SNTG2: variants seen among roughly 807,000 people sequenced by gnomAD.
The protein encoded by SNTG2 is syntrophin gamma 2.
Under a neutral mutation model 70.9 loss-of-function variants are expected in SNTG2, and 74 were observed. The observed-to-expected ratio is 1.04, with a 90% CI of 0.86 to 1.27. The LOEUF is 1.27. Among genes scored for constraint, SNTG2 ranks in the 50% most tolerant of loss-of-function variants. SNTG2 has a pLI of 0.00. For missense variants in SNTG2, 717 were observed against 690.7 expected, an observed-to-expected ratio of 1.04 and a Z score of -0.43; for synonymous variants, 278 against 273.8, an observed-to-expected ratio of 1.02 and a Z score of -0.15.
intron 9 of SNTG2, among the ~76,000 whole-genome samples, chr2:1,234,303 G>A (rs565627317): frequency 1.3e-5 from 2 of 152,196 alleles, no homozygotes; most frequent in African/African-American, 2.4e-5. Flanking sequence ...AGTGAGCCAC[G>A]CTGTGAACTT....
intron 1 of SNTG2, among the ~76,000 whole-genome samples, chr2:961,317 G>A (rs1411369692): frequency 1.3e-5 from 2 of 151,960 alleles, no homozygotes; most frequent in East Asian, 1.9e-4. Flanking sequence ...AGCGATTTCT[G>A]GCTTTTTAAT....
At chr2:1,072,326 C>A (rs1016497015) in intron 1 of SNTG2, among the ~76,000 whole-genome samples, 2 of 127,982 alleles carry the variant, frequency 1.6e-5, no homozygotes, top group Non-Finnish European at 3.2e-5. Context: ...TTTTCTTTTT[C>A]TTTTTCTTTT....
intron 8 of SNTG2, among the ~76,000 whole-genome samples, chr2:1,202,502 G>T (rs902793202): frequency 6.6e-6 from 1 of 152,012 alleles, no homozygotes; most frequent in Non-Finnish European, 1.5e-5. Context: ...AGAAGAATTT[G>T]TTCAACAGAG....
At chr2:990,872 A>AC (rs1391322800) in intron 1 of SNTG2, among the ~76,000 whole-genome samples, 2 of 152,036 alleles carry the variant, frequency 1.3e-5, no homozygotes, top group East Asian at 3.8e-4. Flanking sequence ...AAAAAAAAAA[A>AC]GAATGAGAAA....
chr2:1,267,208 C>T (rs1678786949), intron 13 of SNTG2, among the ~76,000 whole-genome samples, 157 bp from the exon 14 acceptor site: 1 of 152,250 alleles, frequency 6.6e-6, no homozygotes, highest in Non-Finnish European at 1.5e-5. Flanking sequence ...ACCAGCTGTG[C>T]ATGAGAGGGC....
chr2:1,010,203 G>C (rs1011735298), intron 1 of SNTG2, among the ~76,000 whole-genome samples: 2 of 152,100 alleles, frequency 1.3e-5, no homozygotes, highest in African/African-American at 4.8e-5. Context: ...TGAGCACTTA[G>C]GGGCTCACTA....
chr2:1,363,686 A>C (rs1661322480), intron 16 of SNTG2, among the ~76,000 whole-genome samples: 1 of 152,236 alleles, frequency 6.6e-6, no homozygotes, highest in South Asian at 2.1e-4. Flanking sequence ...ATGTGATTTC[A>C]ATCAGCTCTA....
At chr2:1,306,685 A>AATGTGTGTGTGT (rs1680687016) in intron 14 of SNTG2, among the ~76,000 whole-genome samples, 2 of 149,006 alleles carry the variant, frequency 1.3e-5, no homozygotes. Context: ...CCAGGGTGTG[A>AATGTGTGTGTGT]GTGTGTGTGT....
Position 1,169,318 on chromosome 2 carries a change from C to CA in SNTG2, c.499+3684dup, listed in dbSNP as rs1337888245. Among the ~76,000 whole-genome samples the CA allele has an allele frequency of 2.0e-5, 3 of 152,042 alleles. No individual in the cohort carries two copies. In the East Asian group the frequency reaches 5.8e-4, roughly 29 times the overall value. On this transcript the variant is annotated intron_variant, in intron 7 of 16. Coordinates refer to ENST00000308624, the MANE Select transcript of SNTG2 (RefSeq NM_018968.4). ...CTAAGTGGGGGTGGGAGGCAGAGGACACTCACCCTGGGGCCGTTCCTGACT... is the reference window on the plus strand; with the variant it reads ...CTAAGTGGGGGTGGGAGGCAGAGGACAACTCACCCTGGGGCCGTTCCTGACT...
intron 8 of SNTG2, among the ~76,000 whole-genome samples, chr2:1,208,236 G>A (rs62107169): frequency 6.8e-6 from 1 of 147,234 alleles, no homozygotes; most frequent in Non-Finnish European, 1.5e-5. Flanking sequence ...ACCTGTGAGT[G>A]TGGGGCACAC....
chr2:992,058 A>G (rs565939479), intron 1 of SNTG2, among the ~76,000 whole-genome samples: 2 of 152,294 alleles, frequency 1.3e-5, no homozygotes, highest in South Asian at 4.1e-4. Context: ...GTGACCCAGC[A>G]TGCACCTGCA....
intron 8 of SNTG2, among the ~76,000 whole-genome samples, chr2:1,207,578 G>T (rs1387391253): frequency 6.6e-6 from 1 of 152,186 alleles, no homozygotes; most frequent in African/African-American, 2.4e-5. Flanking sequence ...GATTTGAGGT[G>T]GAGGAGAATG....
chr2:1,297,854 T>A (rs1680289658), intron 14 of SNTG2, among the ~76,000 whole-genome samples: 1 of 152,322 alleles, frequency 6.6e-6, no homozygotes, highest in East Asian at 1.9e-4. Context: ...CAGGCAGAAG[T>A]TAACAAGTTT....
At chr2:1,048,459 T>A (rs1422410257) in intron 1 of SNTG2, among the ~76,000 whole-genome samples, 1 of 151,956 alleles carries the variant, frequency 6.6e-6, no homozygotes, top group African/African-American at 2.4e-5. Flanking sequence ...TATCTATATA[T>A]ATACACACAC....
chr2:1,144,870 A>G (rs932655662), intron 6 of SNTG2, among the ~76,000 whole-genome samples: 8 of 152,214 alleles, frequency 5.3e-5, no homozygotes, highest in Admixed American at 1.3e-4. Context: ...CAGATACTGT[A>G]CAGTGTCTGC....
intron 1 of SNTG2, among the ~76,000 whole-genome samples, chr2:1,004,308 T>G (rs1659499413): frequency 6.6e-6 from 1 of 152,158 alleles, no homozygotes; most frequent in Admixed American, 6.5e-5. Flanking sequence ...AAAAGTACAA[T>G]CCATGAAAGA....
intron 9 of SNTG2, among the ~76,000 whole-genome samples, chr2:1,220,995 T>G (rs947892116): frequency 2.6e-5 from 4 of 152,252 alleles, no homozygotes; most frequent in African/African-American, 9.6e-5. Context: ...CTGACACCCC[T>G]CCCCATCCAA....
At chr2:1,202,048 A>G (rs1673307648) in intron 8 of SNTG2, among the ~76,000 whole-genome samples, 1 of 152,142 alleles carries the variant, frequency 6.6e-6, no homozygotes, top group African/African-American at 2.4e-5. Flanking sequence ...GACCTACACT[A>G]CAGGAAATAC....
At chr2:1,077,944 G>A (rs887351838) in intron 1 of SNTG2, among the ~76,000 whole-genome samples, 2 of 151,974 alleles carry the variant, frequency 1.3e-5, no homozygotes, top group Non-Finnish European at 2.9e-5. Context: ...GCGGGTTCAC[G>A]GCCCTCACTG....
Sources: gnomAD v4.1 joint callset for allele counts (sites outside exome capture counted in the v4.1 genomes callset) on GRCh38, gnomAD v4.1.1 for gene constraint, MANE v1.5 for transcripts, NCBI Gene and HGNC (gene_info 2026-07-23, HGNC 2026-07-21) for gene names.